RABGAP1L: variants seen among roughly 807,000 people sequenced by gnomAD.
The protein encoded by RABGAP1L is RAB GTPase activating protein 1 like, also known as rab GTPase-activating protein 1-like.
In RABGAP1L, 63 loss-of-function variants were observed where a neutral mutation model predicts 137.7. The observed-to-expected ratio is 0.46, with a 90% CI of 0.37 to 0.56. The LOEUF (loss-of-function observed/expected upper bound fraction) is 0.56. Among genes scored for constraint, RABGAP1L ranks in the 20% least tolerant of loss-of-function variants. RABGAP1L has a pLI of 0.00. For missense variants in RABGAP1L, 1,095 were observed against 1,244.0 expected (o/e 0.88, Z 1.80); for synonymous variants, 431 against 433.7 (o/e 0.99, Z 0.08).
chr1:174,286,586 T>C (rs1407864913), intron 10 of RABGAP1L, among the ~76,000 whole-genome samples: 1 of 152,146 alleles, frequency 6.6e-6, no homozygotes, highest in Non-Finnish European at 1.5e-5. Flanking sequence ...TACTATTTTT[T>C]CCATATGCTA....
chr1:174,404,180 A>T (rs896883801), intron 13 of RABGAP1L, among the ~76,000 whole-genome samples: 1 of 152,198 alleles, frequency 6.6e-6, no homozygotes, highest in Admixed American at 6.6e-5. Context: ...AACTGTCTTA[A>T]TCAAATGTGT....
intron 13 of RABGAP1L, among the ~76,000 whole-genome samples, chr1:174,461,278 TC>T (rs1027906873): frequency 4.6e-5 from 7 of 152,142 alleles, no homozygotes; most frequent in Non-Finnish European, 1.0e-4. Context: ...TTTGTGAACA[TC>T]AAGATTTCAG....
chr1:174,550,738 A>G (rs1269862703), intron 13 of RABGAP1L, among the ~76,000 whole-genome samples: 1 of 150,162 alleles, frequency 6.7e-6, no homozygotes, highest in Non-Finnish European at 1.5e-5. Context: ...CCCGCTACCA[A>G]GCTGGGCGCG....
intron 18 of RABGAP1L, among the ~76,000 whole-genome samples, chr1:174,806,971 A>T (rs1689365618): frequency 6.6e-6 from 1 of 152,092 alleles, no homozygotes; most frequent in African/African-American, 2.4e-5. Flanking sequence ...TTTTTAGTAG[A>T]TACAGGGTTT....
intron 13 of RABGAP1L, among the ~76,000 whole-genome samples, chr1:174,533,256 A>G (rs558708552): frequency 1.3e-5 from 2 of 152,314 alleles, no homozygotes; most frequent in East Asian, 3.9e-4. Context: ...GCAAACAAAT[A>G]TAATGGAATC....
At chr1:174,261,524 T>A (rs1433908036) in intron 7 of RABGAP1L, among the ~76,000 whole-genome samples, 1 of 152,200 alleles carries the variant, frequency 6.6e-6, no homozygotes, top group Non-Finnish European at 1.5e-5. Context: ...TTGTGTTATT[T>A]TCTTGAGGAA....
intron 19 of RABGAP1L, chr1:174,954,349 G>C (rs1218162454): frequency 6.6e-6 from 1 of 152,126 alleles, no homozygotes; most frequent in East Asian, 1.9e-4. Flanking sequence ...ACAAGATGAA[G>C]CCAAATATCC....
chr1:174,268,816 T>C (rs1674302259), intron 7 of RABGAP1L, among the ~76,000 whole-genome samples: 1 of 152,206 alleles, frequency 6.6e-6, no homozygotes, highest in South Asian at 2.1e-4. Flanking sequence ...ACACTAAGTA[T>C]TACTATGAAA....
At chr1:174,201,757 C>T (rs1170046151) in intron 1 of RABGAP1L, among the ~76,000 whole-genome samples, 3 of 149,632 alleles carry the variant, frequency 2.0e-5, no homozygotes, top group East Asian at 2.0e-4. Flanking sequence ...CCCATTAACT[C>T]GTCATTTAGC....
At chr1:174,219,051 A>G (rs948630854) in intron 1 of RABGAP1L, 74 bp from the exon 2 acceptor site, 16 of 1,145,058 alleles carry the variant, frequency 1.4e-5, no homozygotes, top group South Asian at 6.0e-5. Context: ...TTAAAGCTTT[A>G]TTAGTTCATG....
At chr1:174,248,774 A>C (rs988753523) in intron 5 of RABGAP1L, among the ~76,000 whole-genome samples, 4 of 152,190 alleles carry the variant, frequency 2.6e-5, no homozygotes, top group African/African-American at 9.7e-5. Flanking sequence ...GTTTCAAGCA[A>C]GTTACAAATA....
chr1:174,664,697 T>TTCTC (rs1277384139), intron 14 of RABGAP1L, among the ~76,000 whole-genome samples: 36 of 149,602 alleles, frequency 2.4e-4, no homozygotes, highest in East Asian at 1.4e-3. Context: ...TTATGGTTCT[T>TTCTC]TCTCTCTCTC....
intron 14 of RABGAP1L, among the ~76,000 whole-genome samples, chr1:174,637,824 C>G (rs1320008186): frequency 6.6e-6 from 1 of 152,200 alleles, no homozygotes; most frequent in East Asian, 1.9e-4. Flanking sequence ...CAGCAATTGT[C>G]TCCATTTTTC....
intron 13 of RABGAP1L, among the ~76,000 whole-genome samples, chr1:174,533,018 AG>A (rs1664565940): frequency 6.6e-6 from 1 of 152,144 alleles, no homozygotes; most frequent in African/African-American, 2.4e-5. Context: ...GTGGGTCACG[AG>A]GTCGGGAGAT....
intron 19 of RABGAP1L, among the ~76,000 whole-genome samples, chr1:174,913,914 T>C (rs947870121): frequency 2.0e-5 from 3 of 152,202 alleles, no homozygotes; most frequent in Admixed American, 6.5e-5. Context: ...GGAACACTCT[T>C]TAAATACCTA....
At chr1:174,259,546 G>C (rs574963751) in intron 7 of RABGAP1L, among the ~76,000 whole-genome samples, 1 of 152,238 alleles carries the variant, frequency 6.6e-6, no homozygotes, top group East Asian at 1.9e-4. Flanking sequence ...AGTTTATAAA[G>C]TTAGAGCATT....
chr1:174,926,749 T>C (rs559004738), intron 19 of RABGAP1L, among the ~76,000 whole-genome samples: 42 of 152,244 alleles, frequency 2.8e-4, no homozygotes, highest in Admixed American at 5.2e-4. Flanking sequence ...TATTACATCA[T>C]CTTACGGCAT....
At chr1:174,912,891 T>C (rs983157680) in intron 19 of RABGAP1L, among the ~76,000 whole-genome samples, 5 of 152,166 alleles carry the variant, frequency 3.3e-5, no homozygotes, top group Non-Finnish European at 7.3e-5. Context: ...AAAGCTTTTG[T>C]CTCTTTATCA....
intron 14 of RABGAP1L, among the ~76,000 whole-genome samples, chr1:174,666,368 A>T (rs1327864301): frequency 6.6e-6 from 1 of 152,208 alleles, no homozygotes; most frequent in Non-Finnish European, 1.5e-5. Context: ...GGTCTGTGTT[A>T]GTGTTGTCTC....
Sources: allele counts gnomAD v4.1 joint callset (sites outside exome capture counted in the v4.1 genomes callset), GRCh38; gene constraint gnomAD v4.1.1; transcripts MANE v1.5; gene names NCBI Gene and HGNC (gene_info 2026-07-23, HGNC 2026-07-21).